Variants in TFRC observed in about 807,000 individuals in gnomAD.
TFRC encodes the protein transferrin receptor protein 1.
A neutral mutation model predicts 85.8 loss-of-function variants in TFRC; 35 were observed. The ratio of observed to expected loss-of-function variants is 0.41; its 90% CI spans 0.31 to 0.54. TFRC has a LOEUF of 0.54. TFRC is among the 20% of genes least tolerant of loss of function. TFRC has a pLI of 0.31. For missense variants in TFRC, 828 were observed against 921.5 expected, an observed-to-expected ratio of 0.90 and a Z score of 1.31; for synonymous variants, 362 against 328.6, an observed-to-expected ratio of 1.10 and a Z score of -1.10.
chr3:196,081,051 C>T (rs1719128425), intron 1 of TFRC, among the ~76,000 whole-genome samples: 1 of 152,156 alleles, frequency 6.6e-6, no homozygotes, highest in Non-Finnish European at 1.5e-5. Context: ...AAAGCGTTAT[C>T]CGAAAAGAGC....
At chr3:196,062,279 A>G (rs1717344193) in intron 13 of TFRC, 4 of 337,408 alleles carry the variant, frequency 1.2e-5, no homozygotes, top group African/African-American at 2.2e-5. Context: ...ACAGTGGCCC[A>G]CATCTGTAAT....
intron 1 of TFRC, among the ~76,000 whole-genome samples, chr3:196,081,639 G>A (rs541051331): frequency 2.6e-4 from 39 of 152,236 alleles, no homozygotes; most frequent in African/African-American, 8.2e-4. Flanking sequence ...GCGCACTAGG[G>A]CCTGCGGCCT....
chr3:196,058,680 T>G (rs764147089), intron 14 of TFRC, 48 bp from the exon 15 acceptor site: 6 of 1,398,154 alleles, frequency 4.3e-6, no homozygotes, highest in Non-Finnish European at 6.0e-6. Context: ...GGAACTTATT[T>G]ATTCAGGCTA....
intron 13 of TFRC, chr3:196,060,520 C>T (rs1002465272): frequency 7.9e-5 from 27 of 343,242 alleles, no homozygotes; most frequent in Admixed American, 3.6e-4. Context: ...GCAGTTAGGC[C>T]GGGCACGGTG....
intron 17 of TFRC, among the ~76,000 whole-genome samples, chr3:196,054,455 G>A (rs909245310): frequency 6.6e-6 from 1 of 151,946 alleles, no homozygotes; most frequent in Non-Finnish European, 1.5e-5. Context: ...AAAAAGATTC[G>A]GTTGTCAGTG....
At chr3:196,078,777 C>CT (rs551415213) in intron 1 of TFRC, among the ~76,000 whole-genome samples, 3,029 of 147,780 alleles carry the variant, frequency 0.02, 58 homozygotes, top group African/African-American at 0.051. Flanking sequence ...GAAGCATAAT[C>CT]TTTTTTTTTT....
At chr3:196,079,084 G>A (rs142867778) in intron 1 of TFRC, among the ~76,000 whole-genome samples, 73 of 152,222 alleles carry the variant, frequency 4.8e-4, no homozygotes, top group Non-Finnish European at 1.0e-3. Context: ...AATCGAAGGC[G>A]TGAGCCACTG....
chr3:196,060,151 T>C, intron 14 of TFRC, 29 bp downstream of exon 14: 3 of 1,578,150 alleles, frequency 1.9e-6, no homozygotes, highest in African/African-American at 1.4e-5. Context: ...AATTAAGTCA[T>C]ACATTTTTGT....
At chr3:196,054,109 G>T (rs1355062616) in intron 17 of TFRC, among the ~76,000 whole-genome samples, 1 of 152,016 alleles carries the variant, frequency 6.6e-6, no homozygotes, top group African/African-American at 2.4e-5. Flanking sequence ...GTGGTGGCCG[G>T]CACCTGTAGT....
At position 196,077,121 on chromosome 3, in the gene TFRC, A is replaced by T. The variant is rs774113198; in HGVS notation, c.-22T>A. 6.2e-7 allele frequency: 1 copy of T among 1,611,618 alleles called. No homozygotes were observed. Among genetic ancestry groups the T allele is most frequent in the South Asian group, 1.1e-5 (1 of 90,974 alleles). The stretch of plus-strand genomic sequence containing the variant: ...TCATTCTGAACTGCCACACAGAAGA[A>T]CCTAGGTATCAGAATAGAGAATTAT... On this transcript the variant is annotated splice_region_variant and 5_prime_UTR_variant, in exon 2 of 19. Transcript: ENST00000360110.
At chr3:196,079,395 T>A (rs1299711608) in intron 1 of TFRC, among the ~76,000 whole-genome samples, 1 of 152,020 alleles carries the variant, frequency 6.6e-6, no homozygotes, top group East Asian at 1.9e-4. Flanking sequence ...GCAGATCACC[T>A]GAGGTTGAGA....
intron 13 of TFRC, among the ~76,000 whole-genome samples, chr3:196,062,155 C>T (rs765802484): frequency 2.0e-5 from 3 of 151,724 alleles, no homozygotes; most frequent in Admixed American, 6.6e-5. Flanking sequence ...GAGGTCAAGG[C>T]TGCAGTGAGC....
intron 1 of TFRC, among the ~76,000 whole-genome samples, chr3:196,080,177 CACT>C (rs1339334316): frequency 6.6e-6 from 1 of 152,232 alleles, no homozygotes; most frequent in Admixed American, 6.5e-5. Context: ...GATCTCAGCT[CACT>C]ACAACCTCTG....
rs1204819186 is a variant in TFRC at position 196,049,462 on chromosome 3, G to A, written c.*2480C>T. 4.6e-6 allele frequency: 1 copy of A among 216,706 alleles called. No homozygotes were observed. The highest frequency in any genetic ancestry group is 2.3e-5 in the African/African-American group (1 of 44,436). 13.4% of individuals were successfully genotyped at this position (216,706 alleles called of 1,614,324 possible). A position where few individuals can be genotyped will look rare whatever the true frequency, so the allele number is the denominator to read the frequency against. ...AGTTCTAGAATAGTGAATCATGACA[G>A]AACTCATTCATTTTATCCTTTACCT... On this transcript the variant is annotated 3_prime_UTR_variant, in exon 19 of 19. Coordinates refer to ENST00000360110, the MANE Select transcript of TFRC (RefSeq NM_001128148.3).
At chr3:196,060,797 CAAAAAAAAAAAAA>C (rs1173946134) in intron 13 of TFRC, among the ~76,000 whole-genome samples, 4 of 36,944 alleles carry the variant, frequency 1.1e-4, no homozygotes, top group Middle Eastern at 0.024. Flanking sequence ...GACTCCATCT[CAAAAAAAAAAAAA>C]AAAAAAAAAA....
chr3:196,073,354 G>C (rs1358150687), intron 4 of TFRC, among the ~76,000 whole-genome samples: 1 of 151,712 alleles, frequency 6.6e-6, no homozygotes, highest in Non-Finnish European at 1.5e-5. Context: ...AGCTACTCAG[G>C]AGGCTATGGT....
intron 17 of TFRC, 107 bp from the exon 18 acceptor site, chr3:196,053,665 G>C (rs1419783574): frequency 7.2e-7 from 1 of 1,397,748 alleles, no homozygotes; most frequent in South Asian, 1.3e-5. Flanking sequence ...AAAGGAACTC[G>C]CAGATAAGCT....
rs1227227520 is a variant in TFRC, at chr3:196,056,694, C to T, written c.1678-1393G>A. ...GGGATTACAGGTATGACCCACCACA[C>T]TCGGCCAAGCCTCATTATTAAAACT... On this transcript the variant is annotated intron_variant, in intron 16 of 18. Coordinates refer to ENST00000360110, the MANE Select transcript of TFRC (RefSeq NM_001128148.3). Among the ~76,000 whole-genome samples the T allele has an allele frequency of 4.6e-5, 7 of 152,328 alleles. No individual in the cohort carries two copies. The East Asian group carries it at 1.3e-3, about 29-fold the overall frequency.
chr3:196,053,934 A>G (rs1055937728), intron 17 of TFRC, among the ~76,000 whole-genome samples: 3 of 152,156 alleles, frequency 2.0e-5, no homozygotes, highest in African/African-American at 7.2e-5. Flanking sequence ...AGTTACAATT[A>G]GTTTCAAGAA....
Sources: allele counts gnomAD v4.1 joint callset (sites outside exome capture counted in the v4.1 genomes callset), GRCh38; gene constraint gnomAD v4.1.1; transcripts MANE v1.5; gene names NCBI Gene and HGNC (gene_info 2026-07-23, HGNC 2026-07-21).